Variants in ABCA6 observed in about 807,000 individuals in gnomAD.
The protein encoded by ABCA6 is ATP-binding cassette sub-family A member 6.
In ABCA6, 164 loss-of-function variants were observed where a neutral mutation model predicts 191.2. The ratio of observed to expected loss-of-function variants is 0.86; its 90% CI spans 0.76 to 0.98. ABCA6 has a LOEUF of 0.98. Ranked by LOEUF, ABCA6 falls within the 50% of genes least tolerant of loss-of-function variation. The probability of loss-of-function intolerance (pLI) is 0.00; values close to 1 mark genes in which losing one functional copy is unlikely to be tolerated. For missense variants in ABCA6, 1,958 were observed against 1,894.1 expected (o/e 1.03, Z -0.63); for synonymous variants, 636 against 647.7 (o/e 0.98, Z 0.27).
intron 21 of ABCA6, among the ~76,000 whole-genome samples, chr17:69,102,261 T>A (rs2073198238): frequency 6.6e-6 from 1 of 152,056 alleles, no homozygotes. Context: ...CAGGAGTCAC[T>A]GGAACATGGG....
In ABCA6 at chr17:69,110,853, G is replaced by A. The variant is rs1234929303; in HGVS notation, c.2220C>T (p.Asn740=). 6.8e-6 allele frequency: 11 copies of A among 1,611,528 alleles called. 1 individual carries two copies. Among genetic ancestry groups the A allele is most frequent in the South Asian group, 2.2e-5 (2 of 90,908 alleles). The part of the protein sequence containing the change: ...HIPDAKLKTE[N]KEKLVYTLPL... ...GCAAAGTATATACAAGCTTTTCTTT[G>A]TTTTCTGTTTTTAATTTAGCATCGG... Residue 740 remains asparagine (N), a synonymous_variant, in exon 17 of 39, where the codon AAC becomes AAT. Coordinates refer to ENST00000284425, the MANE Select transcript of ABCA6 (RefSeq NM_080284.3).
chr17:69,116,829 G>A (rs1473299737), intron 11 of ABCA6, among the ~76,000 whole-genome samples: 1 of 151,980 alleles, frequency 6.6e-6, no homozygotes, highest in Non-Finnish European at 1.5e-5. Flanking sequence ...AGCTATACTT[G>A]GTTTGAATTC....
chr17:69,135,023 G>A (rs1568037337), intron 4 of ABCA6, among the ~76,000 whole-genome samples: 1 of 151,634 alleles, frequency 6.6e-6, no homozygotes, highest in Non-Finnish European at 1.5e-5. Context: ...TGGGATTATA[G>A]GCACAGGCCA....
intron 9 of ABCA6, among the ~76,000 whole-genome samples, chr17:69,124,130 A>G (rs2073703496): frequency 6.6e-6 from 1 of 151,998 alleles, no homozygotes; most frequent in African/African-American, 2.4e-5. Flanking sequence ...TGTTTAGAAT[A>G]AATTTATAGT....
chr17:69,119,186 A>C (rs927852746), intron 10 of ABCA6, among the ~76,000 whole-genome samples: 8 of 152,078 alleles, frequency 5.3e-5, no homozygotes, highest in Non-Finnish European at 1.2e-4. Context: ...GTCTAATGTG[A>C]AGCCAGGTTT....
chr17:69,104,454 G>A (rs771986984), intron 20 of ABCA6: 2 of 151,896 alleles, frequency 1.3e-5, no homozygotes, highest in African/African-American at 4.8e-5. Context: ...AATGAGAAAC[G>A]GAAAGGGAAA....
chr17:69,118,039 A>G (rs2073569580), intron 10 of ABCA6, 83 bp from the exon 11 acceptor site: 2 of 842,102 alleles, frequency 2.4e-6, no homozygotes, highest in African/African-American at 3.5e-5. Flanking sequence ...TCATAGTGAT[A>G]ACTGCAGCCA....
chr17:69,140,716 C>T lies in ABCA6; in HGVS notation c.-13G>A. 6.5e-7 allele frequency: 1 copy of T among 1,526,982 alleles called. No homozygotes were observed. 94.6% of individuals were successfully genotyped at this position (1,526,982 alleles called of 1,614,324 possible). A position where few individuals can be genotyped will look rare whatever the true frequency, so the allele number is the denominator to read the frequency against. On this transcript the variant is annotated 5_prime_UTR_variant, in exon 2 of 39. Transcript: ENST00000284425. ...GTTTCATATTCATTTAGCCTATTCG[C>T]TGAAGGAGAAAGTAATCATGGTGGA...
At chr17:69,107,597 C>T in intron 18 of ABCA6, 99 bp downstream of exon 18, 1 of 861,856 alleles carries the variant, frequency 1.2e-6, no homozygotes, top group Non-Finnish European at 1.8e-6. Flanking sequence ...AATGAAATCA[C>T]ATTTCTTAGT....
chr17:69,130,444 T>A (rs1336652194), intron 6 of ABCA6, among the ~76,000 whole-genome samples: 1 of 152,206 alleles, frequency 6.6e-6, no homozygotes, highest in Non-Finnish European at 1.5e-5. Context: ...GTATGACTAT[T>A]GTATTAAACA....
At chr17:69,105,944 T>C in intron 19 of ABCA6, 84 bp downstream of exon 19, 1 of 1,409,042 alleles carries the variant, frequency 7.1e-7, no homozygotes, top group Non-Finnish European at 9.6e-7. Context: ...TGTCAGATAT[T>C]GCGTTCTAGT....
chr17:69,129,676 G>A lies in ABCA6; in HGVS notation c.867C>T (p.Thr289=), dbSNP rs751945474. 2 of 1,604,196 alleles carry A rather than the reference G, an allele frequency of 1.2e-6. No homozygotes were observed. The highest frequency in any genetic ancestry group is 1.7e-6 in the Non-Finnish European group (2 of 1,171,714). The change falls in exon 7 of 39, where the codon ACC becomes ACT. Residue 289 remains threonine (T), a synonymous_variant. Coordinates refer to ENST00000284425, the MANE Select transcript of ABCA6 (RefSeq NM_080284.3). ...TGAAGCCAGTCATGACTATAATTTG[G>A]GTGAATGTTATGATAATTGTAACGA... The part of the protein sequence containing the change: ...SIFVTIIITF[T]QIIVMTGFMV...
chr17:69,082,037 A>G (rs1447516293), intron 36 of ABCA6, among the ~76,000 whole-genome samples: 1 of 152,142 alleles, frequency 6.6e-6, no homozygotes, highest in African/African-American at 2.4e-5. Context: ...CCAGATGTCC[A>G]AGATTGGCCC....
At position 69,081,060 on chromosome 17, in the gene ABCA6, T is replaced by C; in HGVS notation, c.4696+6A>G. On this transcript the variant is annotated splice_donor_region_variant and intron_variant, in intron 37 of 38. Coordinates refer to ENST00000284425, the MANE Select transcript of ABCA6 (RefSeq NM_080284.3). ...AAAAGATTTATTTGAATGTGGTCAC[T>C]CTTACCTGCTTCTAATTTGTGAAAG... 1 of 1,571,144 alleles carries C rather than the reference T, an allele frequency of 6.4e-7. No homozygotes were observed. The highest frequency in any genetic ancestry group is 8.7e-7 in the Non-Finnish European group (1 of 1,150,250).
chr17:69,084,933 G>A (rs2072739820), intron 32 of ABCA6, 95 bp downstream of exon 32: 1 of 1,425,304 alleles, frequency 7.0e-7, no homozygotes, highest in Admixed American at 2.7e-5. Context: ...GGTGGAGATA[G>A]CATATTGACT....
At chr17:69,129,938 A>T (rs2073832335) in intron 6 of ABCA6, among the ~76,000 whole-genome samples, 187 bp from the exon 7 acceptor site, 1 of 152,124 alleles carries the variant, frequency 6.6e-6, no homozygotes. Context: ...CTTCTTTATA[A>T]TTGCCATTCA....
chr17:69,087,089 C>T (rs2072814866), intron 29 of ABCA6, among the ~76,000 whole-genome samples: 1 of 152,108 alleles, frequency 6.6e-6, no homozygotes, highest in African/African-American at 2.4e-5. Flanking sequence ...GTTGGTTTTG[C>T]AATTATAGCC....
chr17:69,096,103 C>G (rs887934875), intron 25 of ABCA6, 137 bp downstream of exon 25: 18 of 363,380 alleles, frequency 5.0e-5, no homozygotes, highest in Non-Finnish European at 7.5e-5. Context: ...CAGTGTTACA[C>G]TTCCCTCTCT....
intron 10 of ABCA6, among the ~76,000 whole-genome samples, chr17:69,121,092 A>T (rs1171780355): frequency 6.6e-6 from 1 of 152,064 alleles, no homozygotes; most frequent in Non-Finnish European, 1.5e-5. Context: ...CAGAGACCAC[A>T]TAGGAAGAAA....
Sources: gnomAD v4.1 joint callset for allele counts (sites outside exome capture counted in the v4.1 genomes callset) on GRCh38, gnomAD v4.1.1 for gene constraint, MANE v1.5 for transcripts, NCBI Gene and HGNC (gene_info 2026-07-23, HGNC 2026-07-21) for gene names.